MUC5B: variants seen among roughly 807,000 people sequenced by gnomAD.
MUC5B encodes mucin-5B.
A neutral mutation model predicts 376.9 loss-of-function variants in MUC5B; 116 were observed. That is an observed-to-expected ratio of 0.31 (90% CI 0.26 to 0.36). The LOEUF (loss-of-function observed/expected upper bound fraction) is 0.36, where lower values mean the gene tolerates loss of function less well. MUC5B is among the 10% of genes least tolerant of loss of function. The pLI, the probability that MUC5B is intolerant of heterozygous loss-of-function variation, is 1.00. For synonymous variants in MUC5B, 3,517 were observed against 3,390.9 expected (o/e 1.04, Z -1.29); for missense variants, 7,165 against 7,769.9 (o/e 0.92, Z 2.93).
intron 30 of MUC5B, 82 bp downstream of exon 30, chr11:1,240,457 T>C: frequency 2.3e-6 from 3 of 1,309,848 alleles, no homozygotes; most frequent in Non-Finnish European, 3.2e-6. Context: ...GCAGGTGCCC[T>C]GTATGGTAGC....
chr11:1,252,118 T>G (rs1564950455), intron 31 of MUC5B, among the ~76,000 whole-genome samples: 1 of 151,646 alleles, frequency 6.6e-6, no homozygotes, highest in Non-Finnish European at 1.5e-5. Flanking sequence ...CGGTCCCCAC[T>G]GGCCACAATC....
rs199891325 is a variant in MUC5B at position 1,246,964 on chromosome 11, C to A, written c.10084C>A (p.Leu3362Met). 2.4e-3 allele frequency: 3,821 copies of A among 1,595,032 alleles called. 74 individuals carry two copies. In the African/African-American group the frequency reaches 0.043, roughly 18 times the overall value. ...GGGGACCACCCACACCGCCACAGTG[C>A]TGACCACCACCACCACAACTGTGGC... is the stretch of plus-strand genomic sequence containing the variant. ...IPGTTHTATV[L>M]TTTTTTVATG... The change falls in exon 31 of 49, where the codon CTG becomes ATG. Residue 3362 changes from leucine to methionine, a missense_variant. Coordinates refer to ENST00000529681, the MANE Select transcript of MUC5B (RefSeq NM_002458.3).
Position 1,250,652 on chromosome 11 carries a change from C to G in MUC5B, c.13772C>G (p.Thr4591Ser), listed in dbSNP as rs367818888. ...PSSTPGTAHT[T>S]KVPTTTTTGF... The stretch of plus-strand genomic sequence containing the variant: ...TCCACCCCAGGAACAGCTCACACTA[C>G]CAAAGTGCCGACTACCACAACCACG... The change falls in exon 31 of 49, where the codon ACC becomes AGC. Residue 4591 changes from threonine (T) to serine (S), a missense_variant. By Grantham distance (58) the Thr-to-Ser change is moderately conservative. Around this residue, in one of 31 missense-constraint regions of MUC5B, gnomAD observed 730 missense variants for 592.7 expected, o/e 1.23. Transcript: ENST00000529681. The G allele has an allele frequency of 2.9e-5, 46 of 1,612,548 alleles. No homozygotes were observed. The African/African-American group carries it at 4.8e-4, about 17-fold the overall frequency.
chr11:1,260,188 T>TGGGGAGGCCCCACCCCTGCC, intron 46 of MUC5B, 103 bp downstream of exon 46: 1 of 1,385,332 alleles, frequency 7.2e-7, no homozygotes, highest in South Asian at 1.3e-5. Flanking sequence ...CCACCCCTGC[T>TGGGGAGGCCCCACCCCTGCC]GGGGAGGCCC....
In MUC5B at chr11:1,234,544, G is replaced by T; in HGVS notation, c.2494G>T (p.Val832Leu). The T allele has an allele frequency of 6.3e-7, 1 of 1,580,926 alleles. No individual in the cohort carries two copies. Among genetic ancestry groups the T allele is most frequent in the Non-Finnish European group, 8.6e-7 (1 of 1,164,354 alleles). Residue 832 changes from valine (V) to leucine (L), a missense_variant, in exon 21 of 49, where the codon GTG (valine) becomes TTG (leucine). Coordinates refer to ENST00000529681, the MANE Select transcript of MUC5B (RefSeq NM_002458.3). The surrounding 1 kb of genome is among the most constrained non-coding windows in gnomAD (Gnocchi z 6.3). ...LDVGCFSTHC[V>L]SGCVCPPGLV... is the part of the protein sequence containing the mutation. ...GGCCCCACAGTTCAGCACACACTGC[G>T]TGTCCGGCTGTGTCTGTCCCCCGGG...
At position 1,245,855 on chromosome 11, in the gene MUC5B, T is replaced by A. The variant is rs1164168570; in HGVS notation, c.8975T>A (p.Ile2992Asn). 6.2e-7 allele frequency: 1 copy of A among 1,612,648 alleles called. No homozygotes were observed. Among genetic ancestry groups the A allele is most frequent in the African/African-American group, 1.3e-5 (1 of 74,352 alleles). ...TPSSTPGTTW[I>N]LTEQTTAATT... ...TCCTCCACTCCAGGGACGACCTGGA[T>A]CCTCACAGAGCAGACCACAGCAGCC... is the stretch of plus-strand genomic sequence containing the variant. The change falls in exon 31 of 49, where the codon ATC becomes AAC. Residue 2992 changes from isoleucine (I) to asparagine (N), a missense_variant. Around this residue, in one of 31 missense-constraint regions of MUC5B, gnomAD observed 939 missense variants for 770.6 expected, o/e 1.22. Coordinates refer to ENST00000529681, the MANE Select transcript of MUC5B (RefSeq NM_002458.3).
At chr11:1,232,799 G>T (rs1350695299) in intron 17 of MUC5B, 29 bp downstream of exon 17, 2 of 1,568,758 alleles carry the variant, frequency 1.3e-6, no homozygotes, top group East Asian at 4.6e-5. Context: ...GGTGGGATGT[G>T]TCCACACCGC....
At chr11:1,228,215 G>C (rs987476552) in intron 7 of MUC5B, among the ~76,000 whole-genome samples, 1 of 152,206 alleles carries the variant, frequency 6.6e-6, no homozygotes, top group Non-Finnish European at 1.5e-5. Context: ...GCCTGGGGAC[G>C]GAGGACACTC....
Position 1,253,799 on chromosome 11 carries a change from G to A in MUC5B, c.15218-293G>A, listed in dbSNP as rs1862763348. ...GTAAGGACACTGGTCATTGGATTGA[G>A]GGCCCACCCAGCTAGTCCACGATGA... is the stretch of plus-strand genomic sequence containing the variant. On this transcript the variant is annotated intron_variant, in intron 33 of 48. Coordinates refer to ENST00000529681, the MANE Select transcript of MUC5B (RefSeq NM_002458.3). This position sits in a 1 kb window ranked among gnomAD's most constrained non-coding sequence, Gnocchi z 4.3. 6.6e-6 allele frequency among the ~76,000 whole-genome samples: 1 copy of A among 152,204 alleles called. No individual in the cohort carries two copies. Among genetic ancestry groups the A allele is most frequent in the Non-Finnish European group, 1.5e-5 (1 of 68,034 alleles).
In MUC5B at chr11:1,233,037, A is replaced by T. The variant is rs1400690609; in HGVS notation, c.2090A>T (p.Lys697Met). The T allele has an allele frequency of 4.4e-6, 7 of 1,599,934 alleles. No homozygotes were observed. Among genetic ancestry groups the T allele is most frequent in the Non-Finnish European group, 5.9e-6 (7 of 1,177,214 alleles). ...GCCAAGTACATGCAGAACTGCCCCAAGTCCCAGCGCTACGCCTACGTGGTG... is the reference window on the plus strand; with the variant it reads ...GCCAAGTACATGCAGAACTGCCCCATGTCCCAGCGCTACGCCTACGTGGTG... ...VCTKYMQNCP[K>M]SQRYAYVVDA... The change falls in exon 18 of 49, where the codon AAG (lysine) becomes ATG (methionine). Residue 697 changes from lysine to methionine, a missense_variant. By Grantham distance (95) the Lys-to-Met change is moderately conservative (BLOSUM62 -1). Transcript: ENST00000529681.
intron 11 of MUC5B, 56 bp downstream of exon 11, chr11:1,230,199 C>A: frequency 1.3e-6 from 2 of 1,530,592 alleles, no homozygotes; most frequent in Non-Finnish European, 8.8e-7. Context: ...ACCCTCATGC[C>A]ACTTCCACCC....
rs764231916 is a variant in MUC5B, at chr11:1,257,340, T to C, written c.16269+69T>C. 8 of 808,342 alleles carry C rather than the reference T, an allele frequency of 9.9e-6. No individual in the cohort carries two copies. The highest frequency in any genetic ancestry group is 1.8e-5 in the Non-Finnish European group (8 of 446,992). The allele number at this position is 808,342 out of a possible 1,614,324, so 50.1% of individuals were successfully genotyped here. On this transcript the variant is annotated intron_variant, in intron 40 of 48. Transcript: ENST00000529681. This position sits in a 1 kb window ranked among gnomAD's most constrained non-coding sequence, Gnocchi z 8.9. ...AGCTGAGGGAGGGAGGGAAGGAGCA[T>C]CCCCATCCCACAGGGCAGCTGTGGG...
intron 19 of MUC5B, 72 bp downstream of exon 19, chr11:1,233,920 C>A: frequency 1.4e-6 from 2 of 1,394,452 alleles, no homozygotes; most frequent in Non-Finnish European, 2.0e-6. Context: ...CCCCAACACG[C>A]CCCACCCTGC....
intron 6 of MUC5B, 116 bp from the exon 7 acceptor site, chr11:1,227,559 G>C (rs761351446): frequency 5.9e-6 from 4 of 678,742 alleles, no homozygotes; most frequent in South Asian, 5.0e-5. Flanking sequence ...CCCCTCGGGG[G>C]TGTTGGGCCC....
chr11:1,252,661 G>T, intron 32 of MUC5B, 137 bp downstream of exon 32: 2 of 1,368,104 alleles, frequency 1.5e-6, no homozygotes, highest in South Asian at 2.9e-5. Flanking sequence ...GAGGCACACA[G>T]GGCCTAGGGG....
chr11:1,251,807 C>A, intron 31 of MUC5B, 64 bp downstream of exon 31: 1 of 1,215,198 alleles, frequency 8.2e-7, no homozygotes, highest in Non-Finnish European at 1.2e-6. Flanking sequence ...CTGGGTCTGC[C>A]TGTCCTGGGA....
chr11:1,247,780 G>A lies in MUC5B; in HGVS notation c.10900G>A (p.Val3634Met), dbSNP rs373098262. The A allele has an allele frequency of 1.9e-5, 30 of 1,607,966 alleles. No individual in the cohort carries two copies. Among genetic ancestry groups the A allele is most frequent in the East Asian group, 4.5e-5 (2 of 44,634 alleles). Residue 3634 changes from valine (V) to methionine (M), a missense_variant, in exon 31 of 49, where the codon GTG (valine) becomes ATG (methionine). Around this residue, in one of 31 missense-constraint regions of MUC5B, gnomAD observed 81 missense variants for 154.5 expected, o/e 0.52. Coordinates refer to ENST00000529681, the MANE Select transcript of MUC5B (RefSeq NM_002458.3). ...CCCCCTGCGGGAGTTGGGCCAGGTC[G>A]TGGAATGCAGCCTGGACTTTGGCCT... ...GVPLRELGQVVECSLDFGLVC... is the reference protein window; with the variant it reads ...GVPLRELGQVMECSLDFGLVC...
intron 2 of MUC5B, among the ~76,000 whole-genome samples, chr11:1,225,939 C>G (rs1861870265): frequency 6.6e-6 from 1 of 152,276 alleles, no homozygotes; most frequent in African/African-American, 2.4e-5. Flanking sequence ...GAGAGACATG[C>G]ACACAGAAGC....
intron 14 of MUC5B, 108 bp downstream of exon 14, chr11:1,231,668 G>A (rs1862032422): frequency 2.2e-6 from 3 of 1,346,292 alleles, no homozygotes; most frequent in Non-Finnish European, 3.0e-6. Context: ...ACCGGGGAGG[G>A]GGCTGCCCCC....
Sources: gnomAD v4.1 joint callset for allele counts (sites outside exome capture counted in the v4.1 genomes callset) on GRCh38, gnomAD v4.1.1 for gene constraint, gnomAD v4.1.1 regional missense constraint, Gnocchi (gnomAD v3.1) non-coding constraint, MANE v1.5 for transcripts, NCBI Gene and HGNC (gene_info 2026-07-23, HGNC 2026-07-21) for gene names.